The following GRM7 variants were observed in gnomAD, a reference collection of about 807,000 sequenced individuals.
GRM7 encodes glutamate metabotropic receptor 7.
GRM7 carries 35 observed loss-of-function variants against 84.5 expected under a neutral mutation model. That is an observed-to-expected ratio of 0.41 (90% CI 0.32 to 0.55). GRM7 has a LOEUF of 0.55. Ranked by LOEUF, GRM7 falls within the 20% of genes least tolerant of loss-of-function variation. The probability of loss-of-function intolerance (pLI) is 0.19; values close to 1 mark genes in which losing one functional copy is unlikely to be tolerated. For synonymous variants in GRM7, 487 were observed against 455.1 expected, an observed-to-expected ratio of 1.07 and a Z score of -0.89; for missense variants, 1,003 against 1,194.6, an observed-to-expected ratio of 0.84 and a Z score of 2.36.
At chr3:7,482,522 CAGGA>C (rs1395422239) in intron 7 of GRM7, among the ~76,000 whole-genome samples, 1 of 152,126 alleles carries the variant, frequency 6.6e-6, no homozygotes, top group Non-Finnish European at 1.5e-5. Context: ...GAGACAATGC[CAGGA>C]GGCATGTCCT....
chr3:7,253,451 C>CTAG (rs1559529927), intron 2 of GRM7, among the ~76,000 whole-genome samples: 1 of 151,648 alleles, frequency 6.6e-6, no homozygotes, highest in Non-Finnish European at 1.5e-5. Flanking sequence ...CCCGTCTCTA[C>CTAG]TAAAAATACA....
chr3:6,888,792 G>C (rs1237731227), intron 1 of GRM7, among the ~76,000 whole-genome samples: 1 of 152,076 alleles, frequency 6.6e-6, no homozygotes, highest in African/African-American at 2.4e-5. Flanking sequence ...GCTTGATGGG[G>C]ATGGCATTGA....
chr3:7,241,203 A>T (rs936534407), intron 2 of GRM7, among the ~76,000 whole-genome samples: 1 of 152,188 alleles, frequency 6.6e-6, no homozygotes, highest in African/African-American at 2.4e-5. Context: ...TATTCAATGG[A>T]TAGAACATAA....
At chr3:7,471,689 T>C (rs965131844) in intron 7 of GRM7, among the ~76,000 whole-genome samples, 7 of 152,200 alleles carry the variant, frequency 4.6e-5, no homozygotes, top group Non-Finnish European at 1.0e-4. Flanking sequence ...GGTAACCGTA[T>C]TCCAACTGCA....
chr3:7,019,896 T>C (rs1029355722), intron 1 of GRM7, among the ~76,000 whole-genome samples: 4 of 152,198 alleles, frequency 2.6e-5, no homozygotes, highest in South Asian at 2.1e-4. Flanking sequence ...TACTATATGG[T>C]CAGGTGGTAC....
chr3:7,211,565 C>A (rs1460084807), intron 2 of GRM7, among the ~76,000 whole-genome samples: 1 of 146,320 alleles, frequency 6.8e-6, no homozygotes, highest in African/African-American at 2.6e-5. Context: ...CAGATAAGAT[C>A]TATTTTGGGG....
At chr3:7,609,846 A>G (rs1696766128) in intron 8 of GRM7, among the ~76,000 whole-genome samples, 1 of 152,154 alleles carries the variant, frequency 6.6e-6, no homozygotes, top group South Asian at 2.1e-4. Flanking sequence ...CCACTCCTTT[A>G]AAGAAGGAAA....
intron 1 of GRM7, among the ~76,000 whole-genome samples, chr3:6,915,315 G>GGTTGTC (rs1670543321): frequency 1.3e-5 from 2 of 152,182 alleles, no homozygotes; most frequent in African/African-American, 4.8e-5. Flanking sequence ...AGTTTTTGGT[G>GGTTGTC]GTTGTCGTTG....
rs1698255927 is a variant in GRM7, at chr3:7,257,588, A to G, written c.737-41096A>G. Among the ~76,000 whole-genome samples, 4 of 152,320 alleles carry G rather than the reference A, an allele frequency of 2.6e-5. No individual in the cohort carries two copies. The South Asian group carries it at 8.3e-4, about 32-fold the overall frequency. The stretch of plus-strand genomic sequence containing the variant: ...CATGAATATGAATACAAAGTCTTCA[A>G]ATCTATCACAGGATGCAATTTATTC... On this transcript the variant is annotated intron_variant, in intron 2 of 9. Coordinates refer to ENST00000357716, the MANE Select transcript of GRM7 (RefSeq NM_000844.4).
intron 1 of GRM7, among the ~76,000 whole-genome samples, chr3:6,886,391 T>C (rs1358134178): frequency 2.0e-5 from 3 of 152,128 alleles, no homozygotes; most frequent in African/African-American, 7.2e-5. Context: ...AAATACCTAA[T>C]GTAAATGATG....
In GRM7 at chr3:7,115,558, G is replaced by A. The variant is rs1042080944; in HGVS notation, c.520-30894G>A. Among the ~76,000 whole-genome samples, 19 of 152,102 alleles carry A rather than the reference G, an allele frequency of 1.2e-4. 1 individual carries two copies. Among genetic ancestry groups the A allele is most frequent in the African/African-American group, 4.6e-4 (19 of 41,398 alleles). ...AAGTTAAGGTCTATAAAAGGCTGGT[G>A]GATGATAACTCCATCTCTGCTTTCT... is the stretch of plus-strand genomic sequence containing the variant. On this transcript the variant is annotated intron_variant, in intron 1 of 9. Coordinates refer to ENST00000357716, the MANE Select transcript of GRM7 (RefSeq NM_000844.4).
chr3:7,003,492 T>A (rs948491519), intron 1 of GRM7, among the ~76,000 whole-genome samples: 4 of 152,154 alleles, frequency 2.6e-5, no homozygotes, highest in Non-Finnish European at 5.9e-5. Flanking sequence ...ATTTGGATGG[T>A]CCTCAAAGAT....
chr3:7,192,583 A>G (rs1179970011), intron 2 of GRM7, among the ~76,000 whole-genome samples: 5 of 152,018 alleles, frequency 3.3e-5, no homozygotes, highest in Non-Finnish European at 7.4e-5. Flanking sequence ...CTGAGGAAGA[A>G]GTTGTGCCTA....
At chr3:6,897,320 C>G (rs1180502597) in intron 1 of GRM7, among the ~76,000 whole-genome samples, 1 of 152,204 alleles carries the variant, frequency 6.6e-6, no homozygotes, top group Non-Finnish European at 1.5e-5. Context: ...GGGCCTTGCC[C>G]TAGACGGAAA....
intron 2 of GRM7, among the ~76,000 whole-genome samples, chr3:7,247,889 A>T (rs1348170471): frequency 6.6e-6 from 1 of 152,154 alleles, no homozygotes; most frequent in African/African-American, 2.4e-5. Context: ...ATAAAATGAT[A>T]ATGAGATGCC....
intron 2 of GRM7, among the ~76,000 whole-genome samples, chr3:7,191,658 A>G (rs1695715623): frequency 6.6e-6 from 1 of 150,770 alleles, no homozygotes; most frequent in South Asian, 2.1e-4. Context: ...GTTACATACT[A>G]GATGAATCCA....
At chr3:6,977,809 G>T (rs762303811) in intron 1 of GRM7, among the ~76,000 whole-genome samples, 3 of 152,158 alleles carry the variant, frequency 2.0e-5, no homozygotes, top group Non-Finnish European at 2.9e-5. Context: ...TCTTGGAAAA[G>T]TGTTTTTTAA....
intron 2 of GRM7, among the ~76,000 whole-genome samples, chr3:7,295,038 T>G (rs181501954): frequency 4.6e-4 from 70 of 152,344 alleles, no homozygotes; most frequent in Non-Finnish European, 2.8e-4. Flanking sequence ...ACGTTTTTCT[T>G]TATAGATTGT....
At chr3:7,546,229 G>C (rs1693141688) in intron 7 of GRM7, among the ~76,000 whole-genome samples, 1 of 152,198 alleles carries the variant, frequency 6.6e-6, no homozygotes, top group Non-Finnish European at 1.5e-5. Context: ...GAATGGTAGA[G>C]TCAATGCTCC....
Sources: allele counts gnomAD v4.1 joint callset (sites outside exome capture counted in the v4.1 genomes callset), GRCh38; gene constraint gnomAD v4.1.1; transcripts MANE v1.5; gene names NCBI Gene and HGNC (gene_info 2026-07-23, HGNC 2026-07-21).